Variants in EVC observed in about 807,000 individuals in gnomAD.
EVC encodes EvC ciliary complex subunit 1, also known as evC complex member EVC.
EVC carries 116 observed loss-of-function variants against 118.9 expected under a neutral mutation model. The ratio of observed to expected loss-of-function variants is 0.98; its 90% CI spans 0.84 to 1.14. EVC has a LOEUF of 1.14. Among genes scored for constraint, EVC ranks in the 50% most tolerant of loss-of-function variants. The pLI, the probability that EVC is intolerant of heterozygous loss-of-function variation, is 0.00. For missense variants in EVC, 1,401 were observed against 1,246.4 expected, an observed-to-expected ratio of 1.12 and a Z score of -1.87; for synonymous variants, 619 against 534.7, an observed-to-expected ratio of 1.16 and a Z score of -2.18.
intron 17 of EVC, 30 bp downstream of exon 17, chr4:5,804,871 G>C: frequency 6.4e-7 from 1 of 1,567,060 alleles, no homozygotes; most frequent in Non-Finnish European, 8.8e-7. Context: ...CCCACGTAGG[G>C]CTGTTCTCTA....
At chr4:5,788,100 A>G (rs1338944366) in intron 12 of EVC, among the ~76,000 whole-genome samples, 1 of 152,038 alleles carries the variant, frequency 6.6e-6, no homozygotes, top group South Asian at 2.1e-4. Flanking sequence ...TTCTTTATCT[A>G]CATGCACTGT....
intron 17 of EVC, 68 bp downstream of exon 17, chr4:5,804,909 G>C: frequency 7.2e-7 from 1 of 1,384,900 alleles, no homozygotes; most frequent in South Asian, 1.2e-5. Flanking sequence ...ATCTCTCTGT[G>C]GTGCCGTCAG....
At chr4:5,713,366 C>A (rs1723362383) in intron 1 of EVC, among the ~76,000 whole-genome samples, 1 of 152,194 alleles carries the variant, frequency 6.6e-6, no homozygotes, top group Non-Finnish European at 1.5e-5. Context: ...CCTCCAGTGA[C>A]TCCTGGCTGC....
At chr4:5,818,938 A>G (rs373068630), downstream of EVC, among the ~76,000 whole-genome samples, 10 of 152,308 alleles carry the variant, frequency 6.6e-5, no homozygotes, top group South Asian at 2.1e-3. Flanking sequence ...TACCCCACCC[A>G]CCTTCACCCA....
At chr4:5,775,468 C>G (rs1174364378) in intron 11 of EVC, among the ~76,000 whole-genome samples, 1 of 152,140 alleles carries the variant, frequency 6.6e-6, no homozygotes, top group Admixed American at 6.5e-5. Context: ...AGTTGTAAAT[C>G]TCAGAGCACA....
the EVC span, chr4:5,820,909 A>T: frequency 1.3e-5 from 2 of 152,242 alleles, no homozygotes; most frequent in Non-Finnish European, 2.9e-5. Flanking sequence ...AAACTTTAAA[A>T]ATCTGACTGC....
chr4:5,801,995 G>T lies in EVC; in HGVS notation c.2350G>T (p.Ala784Ser), dbSNP rs149537641. The change falls in exon 16 of 21, where the codon GCT becomes TCT. Residue 784 changes from alanine (A) to serine (S), a missense_variant. Ala to Ser is a moderately conservative substitution (Grantham distance 99). Coordinates refer to ENST00000264956, the MANE Select transcript of EVC (RefSeq NM_153717.3). ...AGTGGAGAGCGTCTACGTGACCAGC[G>T]CTGGTGTCAGCCGCCTGGTGCAGGC... is the stretch of plus-strand genomic sequence containing the variant. ...AAVESVYVTSAGVSRLVQAYY... is the reference protein window; with the variant it reads ...AAVESVYVTSSGVSRLVQAYY... The T allele has an allele frequency of 6.2e-7, 1 of 1,614,112 alleles. No homozygotes were observed. The highest frequency in any genetic ancestry group is 8.5e-7 in the Non-Finnish European group (1 of 1,180,030).
chr4:5,712,175 G>A (rs1723147422), intron 1 of EVC, among the ~76,000 whole-genome samples: 1 of 152,212 alleles, frequency 6.6e-6, no homozygotes, highest in Non-Finnish European at 1.5e-5. Context: ...GGGAGTCTGC[G>A]ATGGGACGCT....
intron 2 of EVC, among the ~76,000 whole-genome samples, chr4:5,725,388 G>A (rs1434908779): frequency 6.6e-6 from 1 of 152,132 alleles, no homozygotes; most frequent in Non-Finnish European, 1.5e-5. Context: ...AGCATCTGTT[G>A]TTTCTTGACT....
At chr4:5,816,703 TC>T, downstream of EVC, among the ~76,000 whole-genome samples, 1 of 116,548 alleles carries the variant, frequency 8.6e-6, no homozygotes, top group African/African-American at 3.2e-5. Context: ...TTCTCCCCTC[TC>T]TCCCCTCCCT....
At chr4:5,733,481 C>A (rs766045992) in intron 5 of EVC, 46 bp downstream of exon 5, 1 of 1,515,250 alleles carries the variant, frequency 6.6e-7, no homozygotes, top group East Asian at 2.3e-5. Flanking sequence ...GGGACAGGAG[C>A]TGGGAGACAA....
chr4:5,766,268 G>T (rs994380248), intron 11 of EVC, among the ~76,000 whole-genome samples: 1 of 151,482 alleles, frequency 6.6e-6, no homozygotes, highest in African/African-American at 2.4e-5. Context: ...TCTGCCTAGC[G>T]ATCAGCTGTT....
intron 14 of EVC, among the ~76,000 whole-genome samples, chr4:5,797,640 A>G (rs951352754): frequency 1.3e-5 from 2 of 152,206 alleles, no homozygotes; most frequent in African/African-American, 2.4e-5. Flanking sequence ...CAAAGGCACT[A>G]TCCACTTACT....
At chr4:5,783,209 CA>C (rs1449238642) in intron 11 of EVC, among the ~76,000 whole-genome samples, 1 of 151,866 alleles carries the variant, frequency 6.6e-6, no homozygotes, top group East Asian at 1.9e-4. Flanking sequence ...GTGCATGGAT[CA>C]AATGTGAACG....
intron 1 of EVC, among the ~76,000 whole-genome samples, chr4:5,711,840 C>G (rs1392881050): frequency 1.3e-5 from 2 of 152,184 alleles, no homozygotes; most frequent in Non-Finnish European, 2.9e-5. Flanking sequence ...TCTGCAGCAC[C>G]AAGGGTTTGG....
At chr4:5,776,639 T>G (rs991281304) in intron 11 of EVC, among the ~76,000 whole-genome samples, 1 of 152,158 alleles carries the variant, frequency 6.6e-6, no homozygotes, top group African/African-American at 2.4e-5. Flanking sequence ...TTTAACATGT[T>G]GGACCTTCCC....
rs565093715 is a variant in EVC, at chr4:5,793,602, G to A, written c.1777-6G>A. ...TGCCTGCTCTGTCCCTCTGTCCCGA[G>A]TTCAGGTGTGGATGGAGGAGTGTGC... On this transcript the variant is annotated splice_region_variant and splice_polypyrimidine_tract_variant and intron_variant, in intron 12 of 20. Coordinates refer to ENST00000264956, the MANE Select transcript of EVC (RefSeq NM_153717.3). 2.6e-4 allele frequency: 405 copies of A among 1,551,386 alleles called. 4 individuals are homozygous for A. In the South Asian group the frequency reaches 4.6e-3, roughly 17 times the overall value.
chr4:5,717,545 AG>A (rs2151828522), intron 1 of EVC, among the ~76,000 whole-genome samples: 1 of 152,238 alleles, frequency 6.6e-6, no homozygotes, highest in South Asian at 2.1e-4. Flanking sequence ...TCTTCTTTGC[AG>A]GACCCTTGTA....
the EVC span, among the ~76,000 whole-genome samples, chr4:5,823,797 A>G: frequency 7.6e-6 from 1 of 131,290 alleles, no homozygotes; most frequent in African/African-American, 3.5e-5. Flanking sequence ...AGCCAAGTAA[A>G]CCTCTTTAAT....
Sources: allele counts gnomAD v4.1 joint callset (sites outside exome capture counted in the v4.1 genomes callset), GRCh38; gene constraint gnomAD v4.1.1; transcripts MANE v1.5; gene names NCBI Gene and HGNC (gene_info 2026-07-23, HGNC 2026-07-21).